Variants in PDE7A observed in about 807,000 individuals in gnomAD.
PDE7A encodes the protein high affinity 3',5'-cyclic-AMP phosphodiesterase 7A.
Under a neutral mutation model 64.3 loss-of-function variants are expected in PDE7A, and 39 were observed. The ratio of observed to expected loss-of-function variants is 0.61; its 90% CI spans 0.47 to 0.79. The LOEUF (loss-of-function observed/expected upper bound fraction) is 0.79. PDE7A is among the 30% of genes least tolerant of loss of function. PDE7A has a pLI of 0.00. For synonymous variants in PDE7A, 203 were observed against 206.8 expected, an observed-to-expected ratio of 0.98 and a Z score of 0.16; for missense variants, 470 against 582.8, an observed-to-expected ratio of 0.81 and a Z score of 1.99.
At chr8:65,729,364 CTTTTTTTTTTT>C (rs10540107) in intron 7 of PDE7A, among the ~76,000 whole-genome samples, 2 of 80,076 alleles carry the variant, frequency 2.5e-5, no homozygotes, top group African/African-American at 5.2e-5. Context: ...TTGGTGGTAG[CTTTTTTTTTTT>C]TTTTTTTTTT....
chr8:65,813,890 G>C (rs187922746), intron 1 of PDE7A, among the ~76,000 whole-genome samples: 33 of 152,218 alleles, frequency 2.2e-4, no homozygotes, highest in Middle Eastern at 6.8e-3. Flanking sequence ...ACTGTCAATA[G>C]CTTTGAGTTC....
chr8:65,796,803 A>C (rs1809855553), intron 1 of PDE7A, among the ~76,000 whole-genome samples: 1 of 152,190 alleles, frequency 6.6e-6, no homozygotes, highest in African/African-American at 2.4e-5. Context: ...CTACCACTTC[A>C]ACATGGTACT....
At chr8:65,734,688 A>G in intron 7 of PDE7A, 106 bp downstream of exon 7, 1 of 681,124 alleles carries the variant, frequency 1.5e-6, no homozygotes, top group Admixed American at 2.1e-5. Context: ...TTGTGAAGGA[A>G]GTCTGTGATT....
At chr8:65,777,897 G>T (rs917788401) in intron 3 of PDE7A, among the ~76,000 whole-genome samples, 4 of 152,064 alleles carry the variant, frequency 2.6e-5, no homozygotes, top group African/African-American at 9.7e-5. Context: ...ATGTTACTCT[G>T]CTTGAGATTT....
intron 3 of PDE7A, among the ~76,000 whole-genome samples, chr8:65,767,367 T>C (rs1808843353): frequency 6.6e-6 from 1 of 152,254 alleles, no homozygotes; most frequent in Admixed American, 6.5e-5. Flanking sequence ...TTCTATCAGG[T>C]TGAATAAAAG....
intron 1 of PDE7A, among the ~76,000 whole-genome samples, chr8:65,798,303 G>A (rs929020684): frequency 2.0e-5 from 3 of 149,878 alleles, no homozygotes; most frequent in South Asian, 2.1e-4. Context: ...TCTACCTCTC[G>A]GGTTCAAGCA....
At chr8:65,761,233 T>C (rs13251608) in intron 3 of PDE7A, among the ~76,000 whole-genome samples, 9 of 151,768 alleles carry the variant, frequency 5.9e-5, no homozygotes, top group African/African-American at 1.9e-4. Flanking sequence ...GCCCAGCTAA[T>C]GTTTGTATTT....
At chr8:65,820,310 T>C (rs1810511606) in intron 1 of PDE7A, among the ~76,000 whole-genome samples, 1 of 152,178 alleles carries the variant, frequency 6.6e-6, no homozygotes, top group Non-Finnish European at 1.5e-5. Context: ...GTGGGAGGAC[T>C]GCTTGAGTCC....
In PDE7A at chr8:65,716,978, G is replaced by A. The variant is rs181176965; in HGVS notation, c.*2312C>T. On this transcript the variant is annotated 3_prime_UTR_variant, in exon 13 of 13. Coordinates refer to ENST00000401827, the MANE Select transcript of PDE7A (RefSeq NM_001242318.3). ...AGATATGACTAGTCCAAATTGAGAT[G>A]TGCTGTAAGTACACAATATACACTG... 5.9e-5 allele frequency among the ~76,000 whole-genome samples: 9 copies of A among 152,254 alleles called. No homozygotes were observed. The highest frequency in any genetic ancestry group is 1.9e-4 in the African/African-American group (8 of 41,530).
chr8:65,812,888 GAGAA>G (rs1810290640), intron 1 of PDE7A, among the ~76,000 whole-genome samples: 1 of 152,074 alleles, frequency 6.6e-6, no homozygotes, highest in South Asian at 2.1e-4. Flanking sequence ...TGGAGATAAC[GAGAA>G]AGAAACAACA....
At chr8:65,750,238 C>G (rs1807869627) in intron 3 of PDE7A, among the ~76,000 whole-genome samples, 1 of 152,104 alleles carries the variant, frequency 6.6e-6, no homozygotes, top group African/African-American at 2.4e-5. Context: ...ACAATGAATG[C>G]ATTAGAGCCG....
intron 1 of PDE7A, among the ~76,000 whole-genome samples, chr8:65,793,562 G>C (rs1809758450): frequency 6.6e-6 from 1 of 150,744 alleles, no homozygotes; most frequent in Admixed American, 6.6e-5. Context: ...GAGGCAATGA[G>C]ATCAGGTACG....
chr8:65,765,833 A>T (rs2128917354), intron 3 of PDE7A, among the ~76,000 whole-genome samples: 1 of 152,386 alleles, frequency 6.6e-6, no homozygotes, highest in East Asian at 1.9e-4. Context: ...TGGGATTATA[A>T]TAATTCTTTA....
intron 3 of PDE7A, among the ~76,000 whole-genome samples, chr8:65,756,506 C>A (rs1412424541): frequency 1.3e-5 from 2 of 152,092 alleles, no homozygotes; most frequent in Non-Finnish European, 2.9e-5. Context: ...CTGATCCTTA[C>A]TTCCCCCTGC....
At chr8:65,763,631 G>C (rs888477041) in intron 3 of PDE7A, among the ~76,000 whole-genome samples, 6 of 152,288 alleles carry the variant, frequency 3.9e-5, no homozygotes, top group Admixed American at 1.3e-4. Context: ...TCAGAGCTGG[G>C]ATGTGGGATA....
intron 2 of PDE7A, chr8:65,780,734 G>A (rs757183889): frequency 2.6e-5 from 4 of 152,260 alleles, no homozygotes; most frequent in Non-Finnish European, 4.4e-5. Context: ...TCCAAAGACA[G>A]TACTGTTCTC....
intron 3 of PDE7A, among the ~76,000 whole-genome samples, chr8:65,766,251 G>C (rs1273104148): frequency 6.6e-6 from 1 of 152,140 alleles, no homozygotes; most frequent in Non-Finnish European, 1.5e-5. Flanking sequence ...CAGCCGAGAT[G>C]AATTTTTGAC....
chr8:65,752,635 C>A (rs182860906), intron 3 of PDE7A, among the ~76,000 whole-genome samples: 4 of 152,236 alleles, frequency 2.6e-5, no homozygotes, highest in Admixed American at 2.6e-4. Flanking sequence ...CATTGTTAAC[C>A]ATTCTGGGTC....
intron 3 of PDE7A, among the ~76,000 whole-genome samples, chr8:65,767,037 C>T (rs954619368): frequency 1.3e-4 from 20 of 150,462 alleles, no homozygotes; most frequent in South Asian, 4.2e-4. Context: ...ACAACAACAA[C>T]GCCTGGACCA....
Sources: allele counts gnomAD v4.1 joint callset (sites outside exome capture counted in the v4.1 genomes callset), GRCh38; gene constraint gnomAD v4.1.1; transcripts MANE v1.5; gene names NCBI Gene and HGNC (gene_info 2026-07-23, HGNC 2026-07-21).